ADAMTS20: variants seen among roughly 807,000 people sequenced by gnomAD.
The protein encoded by ADAMTS20 is A disintegrin and metalloproteinase with thrombospondin motifs 20.
ADAMTS20 carries 225 observed loss-of-function variants against 260.1 expected under a neutral mutation model. That is an observed-to-expected ratio of 0.87 (90% CI 0.78 to 0.97). The LOEUF (loss-of-function observed/expected upper bound fraction) is 0.97, where lower values mean the gene tolerates loss of function less well. Ranked by LOEUF, ADAMTS20 falls within the 50% of genes least tolerant of loss-of-function variation. ADAMTS20 has a pLI of 0.00. For synonymous variants in ADAMTS20, 802 were observed against 769.5 expected (o/e 1.04, Z -0.70); for missense variants, 2,400 against 2,337.7 (o/e 1.03, Z -0.55).
chr12:43,431,794 A>G (rs1033199025), intron 21 of ADAMTS20, among the ~76,000 whole-genome samples: 1 of 152,184 alleles, frequency 6.6e-6, no homozygotes, highest in African/African-American at 2.4e-5. Flanking sequence ...AAAGGGTTAT[A>G]GATTAAATAT....
At chr12:43,446,881 G>A in intron 14 of ADAMTS20, 169 bp from the exon 15 acceptor site, 1 of 578,110 alleles carries the variant, frequency 1.7e-6, no homozygotes, top group South Asian at 2.1e-5. Context: ...ACATGAACTA[G>A]AAAACCTAGA....
intron 11 of ADAMTS20, among the ~76,000 whole-genome samples, chr12:43,460,908 A>C (rs925894361): frequency 2.1e-5 from 3 of 145,342 alleles, no homozygotes; most frequent in Non-Finnish European, 3.0e-5. Context: ...TAAAAATCAG[A>C]ATAGGAGTTT....
At chr12:43,499,705 A>G (rs1592098667) in intron 4 of ADAMTS20, among the ~76,000 whole-genome samples, 1 of 152,004 alleles carries the variant, frequency 6.6e-6, no homozygotes, top group Admixed American at 6.6e-5. Context: ...GGGTTTCACC[A>G]TGTTGGCCAG....
rs149512681 is a variant in ADAMTS20, at chr12:43,434,351, T to C, written c.2614A>G (p.Thr872Ala). 1.9e-6 allele frequency: 3 copies of C among 1,586,566 alleles called. No individual in the cohort carries two copies. The Admixed American group carries it at 5.4e-5, about 29-fold the overall frequency. ...MCQGLQRRNITCIHKSDHSVV... is the reference protein window; with the variant it reads ...MCQGLQRRNIACIHKSDHSVV... ...CTATGATCACTCTTATGTATGCAAG[T>C]TATGTTTCTTCGCTGAAGACCTTGG... Residue 872 changes from threonine (T) to alanine (A), a missense_variant, in exon 19 of 39, where the codon ACT (threonine) becomes GCT (alanine). Transcript: ENST00000389420.
chr12:43,475,591 C>G (rs944905078), intron 7 of ADAMTS20, among the ~76,000 whole-genome samples: 1 of 152,148 alleles, frequency 6.6e-6, no homozygotes, highest in African/African-American at 2.4e-5. Context: ...TGACTTCAAA[C>G]CATACTACAA....
chr12:43,442,759 CTATT>C (rs1186041445), intron 16 of ADAMTS20, among the ~76,000 whole-genome samples: 11 of 152,096 alleles, frequency 7.2e-5, no homozygotes, highest in Admixed American at 4.6e-4. Context: ...ATAAATCAAA[CTATT>C]TATGTTTGAT....
At chr12:43,455,734 A>T (rs1592078421) in intron 11 of ADAMTS20, among the ~76,000 whole-genome samples, 1 of 145,594 alleles carries the variant, frequency 6.9e-6, no homozygotes. Context: ...TTTGAGATGG[A>T]GTCTCGCTCC....
Position 43,432,390 on chromosome 12 carries a change from T to C in ADAMTS20, c.3010A>G (p.Asn1004Asp). ...MNNFGHRLADNECQELSRVTR... is the reference protein window; with the variant it reads ...MNNFGHRLADDECQELSRVTR... Reference sequence around the variant, plus strand: ...ACTCGGGACAGTTCTTGGCATTCATTGTCAGCAAGACGATGGCCAAAGTTA... The same window carrying C: ...ACTCGGGACAGTTCTTGGCATTCATCGTCAGCAAGACGATGGCCAAAGTTA... Residue 1004 changes from asparagine to aspartate, a missense_variant, in exon 21 of 39, where the codon AAT becomes GAT. Asn to Asp is a conservative substitution (Grantham distance 23). Coordinates refer to ENST00000389420, the MANE Select transcript of ADAMTS20 (RefSeq NM_025003.5). The C allele has an allele frequency of 6.2e-7, 1 of 1,613,866 alleles. No homozygotes were observed. The highest frequency in any genetic ancestry group is 8.5e-7 in the Non-Finnish European group (1 of 1,179,856).
intron 28 of ADAMTS20, among the ~76,000 whole-genome samples, chr12:43,419,440 T>C (rs1050146792): frequency 3.3e-4 from 50 of 152,114 alleles, no homozygotes; most frequent in South Asian, 8.3e-4. Flanking sequence ...AACAAAAATT[T>C]GGGATATCTA....
At chr12:43,542,590 T>C (rs1460804032) in intron 2 of ADAMTS20, among the ~76,000 whole-genome samples, 2 of 152,208 alleles carry the variant, frequency 1.3e-5, no homozygotes, top group Non-Finnish European at 2.9e-5. Context: ...TCTTTTACTT[T>C]AGTACAGTTG....
chr12:43,364,067 C>A (rs1438567613), intron 37 of ADAMTS20, among the ~76,000 whole-genome samples: 1 of 152,088 alleles, frequency 6.6e-6, no homozygotes, highest in East Asian at 1.9e-4. Context: ...CTATTGTTAT[C>A]CCTGAAGGAG....
Position 43,452,383 on chromosome 12 carries a change from T to C in ADAMTS20, c.1970A>G (p.Tyr657Cys), listed in dbSNP as rs764162616. 3 of 1,613,134 alleles carry C rather than the reference T, an allele frequency of 1.9e-6. No individual in the cohort carries two copies. The highest frequency in any genetic ancestry group is 2.5e-6 in the Non-Finnish European group (3 of 1,179,522). Residue 657 changes from tyrosine to cysteine, a missense_variant, in exon 14 of 39, where the codon TAT becomes TGT. By Grantham distance (194) the Tyr-to-Cys change is radical (BLOSUM62 -2). Transcript: ENST00000389420. The part of the protein sequence containing the change: ...GIGTKDRCKL[Y>C]CQVAGTNYFY... The stretch of plus-strand genomic sequence containing the variant: ...ATAATTGGTTCCAGCAACCTGACAA[T>C]AGAGTTTACAACGATCCTTTGTGCC...
At chr12:43,472,674 C>A in intron 7 of ADAMTS20, among the ~76,000 whole-genome samples, 2 of 140,830 alleles carry the variant, frequency 1.4e-5, no homozygotes, top group African/African-American at 2.7e-5. Context: ...AGAGTGGGGG[C>A]CAATATTCAA....
intron 26 of ADAMTS20, 52 bp downstream of exon 26, chr12:43,428,189 A>T: frequency 1.3e-6 from 2 of 1,557,402 alleles, no homozygotes; most frequent in Non-Finnish European, 8.8e-7. Context: ...TGTTAAAAGG[A>T]TGTAATATAA....
At chr12:43,496,068 A>T (rs994146905) in intron 4 of ADAMTS20, among the ~76,000 whole-genome samples, 20 of 152,344 alleles carry the variant, frequency 1.3e-4, no homozygotes, top group African/African-American at 4.8e-4. Flanking sequence ...TGTACAATGC[A>T]CTTCTCTCCT....
chr12:43,415,793 T>C lies in ADAMTS20; in HGVS notation c.4284+9721A>G, dbSNP rs543536785. On this transcript the variant is annotated intron_variant, in intron 28 of 38. Coordinates refer to ENST00000389420, the MANE Select transcript of ADAMTS20 (RefSeq NM_025003.5). ...TATTTCAAGGCTTAGGAATAATATGTCTTCAAACTCTTGGTAAATGAAAGT... is the reference window on the plus strand; with the variant it reads ...TATTTCAAGGCTTAGGAATAATATGCCTTCAAACTCTTGGTAAATGAAAGT... Among the ~76,000 whole-genome samples, 10 of 152,326 alleles carry C rather than the reference T, an allele frequency of 6.6e-5. No individual in the cohort carries two copies. In the East Asian group the frequency reaches 1.9e-3, roughly 29 times the overall value.
intron 4 of ADAMTS20, among the ~76,000 whole-genome samples, chr12:43,494,301 G>C (rs546991952): frequency 8.5e-5 from 13 of 152,220 alleles, no homozygotes; most frequent in South Asian, 6.2e-4. Context: ...GAGGACAAAG[G>C]CCCTGACCTT....
intron 28 of ADAMTS20, among the ~76,000 whole-genome samples, chr12:43,425,251 G>C (rs1941308972): frequency 6.6e-6 from 1 of 152,030 alleles, no homozygotes; most frequent in Non-Finnish European, 1.5e-5. Flanking sequence ...ACTGGGGCCT[G>C]TTGGGGGAGG....
intron 37 of ADAMTS20, among the ~76,000 whole-genome samples, chr12:43,366,508 C>A (rs1184048130): frequency 6.6e-6 from 1 of 151,770 alleles, no homozygotes; most frequent in Non-Finnish European, 1.5e-5. Flanking sequence ...CAACAGAATG[C>A]ACATTCTTCC....
Sources: gnomAD v4.1 joint callset for allele counts (sites outside exome capture counted in the v4.1 genomes callset) on GRCh38, gnomAD v4.1.1 for gene constraint, MANE v1.5 for transcripts, NCBI Gene and HGNC (gene_info 2026-07-23, HGNC 2026-07-21) for gene names.